Variants in SEMA3E observed in about 807,000 individuals in gnomAD.
The protein encoded by SEMA3E is semaphorin-3E.
A neutral mutation model predicts 93.6 loss-of-function variants in SEMA3E; 49 were observed. The observed-to-expected ratio is 0.52, with a 90% CI of 0.42 to 0.66. The LOEUF (loss-of-function observed/expected upper bound fraction) is 0.66. Ranked by LOEUF, SEMA3E falls within the 30% of genes least tolerant of loss-of-function variation. The pLI is 0.00. For missense variants in SEMA3E, 906 were observed against 964.8 expected (o/e 0.94, Z 0.81); for synonymous variants, 363 against 330.7 (o/e 1.10, Z -1.06).
intron 5 of SEMA3E, 63 bp downstream of exon 5, chr7:83,418,327 G>A (rs1788598719): frequency 1.7e-6 from 2 of 1,147,050 alleles, no homozygotes; most frequent in East Asian, 5.0e-5. Flanking sequence ...TGTAACTGAA[G>A]TTGAAATATA....
chr7:83,483,458 G>T (rs1790189491), intron 2 of SEMA3E, among the ~76,000 whole-genome samples: 2 of 152,008 alleles, frequency 1.3e-5, no homozygotes, highest in South Asian at 4.2e-4. Context: ...TTTATAGTTT[G>T]ATAACTTTAA....
intron 4 of SEMA3E, among the ~76,000 whole-genome samples, chr7:83,455,544 A>G (rs1789461804): frequency 1.3e-5 from 2 of 152,220 alleles, no homozygotes; most frequent in African/African-American, 4.8e-5. Context: ...TATGATGTTC[A>G]AGAATCCCAC....
At chr7:83,412,894 G>C (rs1287936941) in intron 5 of SEMA3E, among the ~76,000 whole-genome samples, 2 of 151,954 alleles carry the variant, frequency 1.3e-5, no homozygotes, top group Non-Finnish European at 2.9e-5. Context: ...TTCCTTGAGG[G>C]CCTTACGTTA....
At chr7:83,422,242 C>A (rs1436947358) in intron 4 of SEMA3E, among the ~76,000 whole-genome samples, 1 of 151,994 alleles carries the variant, frequency 6.6e-6, no homozygotes, top group Non-Finnish European at 1.5e-5. Context: ...GCCTCCTGAC[C>A]CAAAGGTGTG....
intron 5 of SEMA3E, among the ~76,000 whole-genome samples, chr7:83,417,019 A>G (rs1421189126): frequency 2.6e-5 from 1 of 38,386 alleles, no homozygotes; most frequent in Non-Finnish European, 1.0e-4. Flanking sequence ...ACACACAGGG[A>G]GAGAGAGAGA....
At chr7:83,476,694 T>C (rs1366357831) in intron 2 of SEMA3E, among the ~76,000 whole-genome samples, 1 of 152,164 alleles carries the variant, frequency 6.6e-6, no homozygotes, top group Non-Finnish European at 1.5e-5. Context: ...GTAAGGGAAA[T>C]GATTTCCTTC....
intron 1 of SEMA3E, among the ~76,000 whole-genome samples, chr7:83,530,379 C>A (rs1006739032): frequency 6.6e-6 from 1 of 152,132 alleles, no homozygotes; most frequent in Admixed American, 6.6e-5. Context: ...TACTGCCTCT[C>A]ACTATAAACA....
At chr7:83,402,378 C>G (rs1312756175) in intron 10 of SEMA3E, among the ~76,000 whole-genome samples, 1 of 150,920 alleles carries the variant, frequency 6.6e-6, no homozygotes, top group Non-Finnish European at 1.5e-5. Flanking sequence ...TGTTACTTAG[C>G]CAAAATATCA....
intron 1 of SEMA3E, among the ~76,000 whole-genome samples, chr7:83,547,776 G>A (rs1368952131): frequency 6.6e-6 from 1 of 152,082 alleles, no homozygotes; most frequent in Non-Finnish European, 1.5e-5. Flanking sequence ...TCCACCCACA[G>A]AGTTTCAGAG....
chr7:83,481,935 G>A lies in SEMA3E; in HGVS notation c.276+8179C>T, dbSNP rs1439592976. 2.6e-5 allele frequency among the ~76,000 whole-genome samples: 4 copies of A among 152,140 alleles called. No homozygotes were observed. The East Asian group carries it at 5.8e-4, about 22-fold the overall frequency. On this transcript the variant is annotated intron_variant, in intron 2 of 16. Transcript: ENST00000643230. ...GACTGGTATTTCCAAGACCAGCAAG[G>A]ATAGTTAATACCCCAGCATTTCACA...
rs1554333681 is a variant in SEMA3E, at chr7:83,506,032, A to AAAT, written c.116-15759_116-15758insATT. On this transcript the variant is annotated intron_variant, in intron 1 of 16. Coordinates refer to ENST00000643230, the MANE Select transcript of SEMA3E (RefSeq NM_012431.3). ...TCCGTCTCCAAAAAAAAAAAAAAAA[A>AAAT]ATATATATATATATATATATATTTG... is the stretch of plus-strand genomic sequence containing the variant. Among the ~76,000 whole-genome samples, 790 of 119,656 alleles carry AAAT rather than the reference A, an allele frequency of 6.6e-3. 4 individuals are homozygous for AAAT. The highest frequency in any genetic ancestry group is 9.9e-3 in the Non-Finnish European group (610 of 61,722). 78.5% of individuals were successfully genotyped at this position (119,656 alleles called of 152,430 possible). A position where few individuals can be genotyped will look rare whatever the true frequency, so the allele number is the denominator to read the frequency against.
At chr7:83,384,893 T>G (rs1384301273) in intron 16 of SEMA3E, among the ~76,000 whole-genome samples, 1 of 152,044 alleles carries the variant, frequency 6.6e-6, no homozygotes, top group Non-Finnish European at 1.5e-5. Context: ...TTCATATGTC[T>G]AAGACATATG....
At position 83,637,040 on chromosome 7, in the gene SEMA3E, ATG is replaced by A. The variant is rs551927562; in HGVS notation, c.115+11386_115+11387del. Among the ~76,000 whole-genome samples, 539 of 148,634 alleles carry A rather than the reference ATG, an allele frequency of 3.6e-3. 2 individuals are homozygous for A. The highest frequency in any genetic ancestry group is 9.2e-3 in the African/African-American group (372 of 40,310). On this transcript the variant is annotated intron_variant, in intron 1 of 16. Transcript: ENST00000643230. ...TGTGTGAGAGTGTGTGTGTGTGTGT[ATG>A]TGTGTGTGTGTGTGTGTGTGAAACT... is the stretch of plus-strand genomic sequence containing the variant.
intron 2 of SEMA3E, among the ~76,000 whole-genome samples, chr7:83,488,859 A>T (rs1790321969): frequency 6.6e-6 from 1 of 152,152 alleles, no homozygotes; most frequent in African/African-American, 2.4e-5. Context: ...TGAGAGGAGT[A>T]TAAAAACTTT....
chr7:83,456,037 G>T (rs1485087210), intron 4 of SEMA3E, among the ~76,000 whole-genome samples: 1 of 152,210 alleles, frequency 6.6e-6, no homozygotes, highest in African/African-American at 2.4e-5. Context: ...GTGTGAAGCT[G>T]TGTTTTAATC....
At position 83,584,301 on chromosome 7, in the gene SEMA3E, A is replaced by C. The variant is rs559221739; in HGVS notation, c.115+64127T>G. On this transcript the variant is annotated intron_variant, in intron 1 of 16. Transcript: ENST00000643230. ...ACTTGCCCAAGTTACGCAGCTAATG[A>C]ATGCCAAAGACCAGACTCAAAAGTT... Among the ~76,000 whole-genome samples the C allele has an allele frequency of 7.4e-4, 113 of 152,278 alleles. 1 individual carries two copies. The Middle Eastern group carries it at 0.01, about 14-fold the overall frequency.
intron 2 of SEMA3E, among the ~76,000 whole-genome samples, chr7:83,482,665 C>T (rs1790171830): frequency 1.3e-5 from 2 of 151,138 alleles, no homozygotes; most frequent in Admixed American, 6.6e-5. Context: ...CACACTTTCA[C>T]TCTTTCATTA....
chr7:83,426,143 C>A (rs1006801964), intron 4 of SEMA3E, among the ~76,000 whole-genome samples: 1 of 152,120 alleles, frequency 6.6e-6, no homozygotes, highest in Non-Finnish European at 1.5e-5. Flanking sequence ...TAAATTAGTT[C>A]AGCCACTGTA....
intron 1 of SEMA3E, among the ~76,000 whole-genome samples, chr7:83,576,331 A>C (rs536743555): frequency 1.7e-3 from 258 of 152,304 alleles, no homozygotes; most frequent in African/African-American, 6.0e-3. Flanking sequence ...GTAAATATTG[A>C]GTAACTCATA....
Sources: gnomAD v4.1 joint callset for allele counts (sites outside exome capture counted in the v4.1 genomes callset) on GRCh38, gnomAD v4.1.1 for gene constraint, MANE v1.5 for transcripts, NCBI Gene and HGNC (gene_info 2026-07-23, HGNC 2026-07-21) for gene names.